The following CCNH variants were observed in gnomAD, a reference collection of about 807,000 sequenced individuals.
The protein encoded by CCNH is cyclin H.
Under a neutral mutation model 41.9 loss-of-function variants are expected in CCNH, and 31 were observed. The ratio of observed to expected loss-of-function variants is 0.74; its 90% CI spans 0.56 to 1.00. CCNH has a LOEUF of 1.00. Among genes scored for constraint, CCNH ranks in the 50% least tolerant of loss-of-function variants. The pLI is 0.00. For missense variants in CCNH, 362 were observed against 388.4 expected, an observed-to-expected ratio of 0.93 and a Z score of 0.57; for synonymous variants, 138 against 136.1, an observed-to-expected ratio of 1.01 and a Z score of -0.10.
At chr5:87,400,240 C>T (rs775274538) in intron 6 of CCNH, among the ~76,000 whole-genome samples, 11 of 152,144 alleles carry the variant, frequency 7.2e-5, no homozygotes, top group Non-Finnish European at 1.3e-4. Flanking sequence ...GCAAACAAAG[C>T]AGTATTTTTA....
intron 8 of CCNH, 119 bp downstream of exon 8, chr5:87,394,925 A>C: frequency 6.5e-7 from 1 of 1,546,888 alleles, no homozygotes; most frequent in South Asian, 1.3e-5. Flanking sequence ...GTATGCAAAA[A>C]ATGAAAAAAC....
intron 9 of CCNH, among the ~76,000 whole-genome samples, chr5:87,320,009 C>T (rs1048700028): frequency 1.3e-5 from 2 of 152,130 alleles, no homozygotes; most frequent in Non-Finnish European, 2.9e-5. Flanking sequence ...CTGCCAGGTA[C>T]CCTAAATCAT....
intron 9 of CCNH, among the ~76,000 whole-genome samples, chr5:87,348,998 T>G (rs1759062435): frequency 6.6e-6 from 1 of 151,970 alleles, no homozygotes; most frequent in East Asian, 1.9e-4. Flanking sequence ...GTATTAAAGC[T>G]GGTAAGATAC....
chr5:87,381,959 G>T (rs1239478912), upstream of CCNH, among the ~76,000 whole-genome samples: 7 of 152,060 alleles, frequency 4.6e-5, no homozygotes, highest in African/African-American at 1.7e-4. Flanking sequence ...AGACTTAATT[G>T]TTATTTTTTT....
chr5:87,356,812 C>T (rs1350135581), intron 9 of CCNH, among the ~76,000 whole-genome samples: 3 of 152,158 alleles, frequency 2.0e-5, no homozygotes, highest in Non-Finnish European at 4.4e-5. Context: ...ATTCATATGG[C>T]TGGCTTTATT....
intron 6 of CCNH, among the ~76,000 whole-genome samples, chr5:87,399,874 T>C (rs1258725837): frequency 6.6e-6 from 1 of 152,214 alleles, no homozygotes; most frequent in East Asian, 1.9e-4. Context: ...ACCATCTTCG[T>C]AGTATTCTAT....
chr5:87,328,467 G>A (rs1757392059), intron 9 of CCNH, among the ~76,000 whole-genome samples: 1 of 152,108 alleles, frequency 6.6e-6, no homozygotes, highest in Non-Finnish European at 1.5e-5. Context: ...TTATTGCTGT[G>A]ACTATTTGTA....
downstream of CCNH, among the ~76,000 whole-genome samples, chr5:87,371,803 T>C (rs1760963046): frequency 6.6e-6 from 1 of 152,156 alleles, no homozygotes; most frequent in South Asian, 2.1e-4. Context: ...AGGTAGTATC[T>C]GTTTGGGAGA....
At chr5:87,312,972 A>G in the CCNH span, among the ~76,000 whole-genome samples, 1 of 152,202 alleles carries the variant, frequency 6.6e-6, no homozygotes, top group Non-Finnish European at 1.5e-5. Flanking sequence ...GGAAAATGAT[A>G]CTTTCCCTGT....
chr5:87,366,741 T>G (rs2112467542), intron 9 of CCNH, among the ~76,000 whole-genome samples: 1 of 152,342 alleles, frequency 6.6e-6, no homozygotes, highest in Non-Finnish European at 1.5e-5. Context: ...AAACAGATTT[T>G]TCTTTTAAGA....
At chr5:87,388,034 C>G (rs1762185137), downstream of CCNH, among the ~76,000 whole-genome samples, 1 of 152,152 alleles carries the variant, frequency 6.6e-6, no homozygotes, top group Non-Finnish European at 1.5e-5. Flanking sequence ...CAATTATTAT[C>G]TCCTTCAGGA....
intron 9 of CCNH, among the ~76,000 whole-genome samples, chr5:87,384,540 T>G (rs2112511084): frequency 6.6e-6 from 1 of 152,286 alleles, no homozygotes; most frequent in South Asian, 2.1e-4. Flanking sequence ...TTATTGCTAC[T>G]AAAGTGGTTA....
chr5:87,347,882 C>T (rs78913347), intron 9 of CCNH, among the ~76,000 whole-genome samples: 1,797 of 151,988 alleles, frequency 0.012, 27 homozygotes, highest in African/African-American at 0.041. Context: ...CCACCAAGTA[C>T]TTGAGGTACT....
intron 9 of CCNH, among the ~76,000 whole-genome samples, chr5:87,368,703 A>T (rs1760709744): frequency 6.6e-6 from 1 of 152,118 alleles, no homozygotes; most frequent in Non-Finnish European, 1.5e-5. Context: ...CTGGATTTGT[A>T]GTTAATTTTT....
intron 9 of CCNH, among the ~76,000 whole-genome samples, chr5:87,346,026 C>T (rs756382937): frequency 2.6e-5 from 4 of 152,056 alleles, no homozygotes; most frequent in Non-Finnish European, 5.9e-5. Flanking sequence ...ATTGTATGCT[C>T]TATGTCTTGA....
rs745988461 is a variant in CCNH at position 87,332,677 on chromosome 5, T to C, written c.*91-13780A>G. The C allele has an allele frequency of 7.0e-5, 110 of 1,572,142 alleles. 1 individual carries two copies. The highest frequency in any genetic ancestry group is 9.2e-5 in the Non-Finnish European group (105 of 1,144,752). Reference sequence around the variant, plus strand: ...ATGAATAAAATATCTTTCAAAACTTTATTTTTTCAGTACAATAATGGTTTT... The same window carrying C: ...ATGAATAAAATATCTTTCAAAACTTCATTTTTTCAGTACAATAATGGTTTT... On this transcript the variant is annotated intron_variant and NMD_transcript_variant, in intron 9 of 9. Transcript: ENST00000645953.
downstream of CCNH, among the ~76,000 whole-genome samples, chr5:87,387,569 G>A (rs1193302520): frequency 6.6e-6 from 1 of 152,138 alleles, no homozygotes; most frequent in Non-Finnish European, 1.5e-5. Flanking sequence ...CCAGGAAGGT[G>A]CATGTACATG....
intron 9 of CCNH, among the ~76,000 whole-genome samples, chr5:87,332,022 G>A (rs1167876482): frequency 1.3e-5 from 2 of 151,968 alleles, no homozygotes; most frequent in Admixed American, 1.3e-4. Context: ...ATCATCTAAT[G>A]CATATAGTGT....
intron 9 of CCNH, among the ~76,000 whole-genome samples, chr5:87,323,353 G>C (rs961949684): frequency 2.0e-5 from 3 of 152,158 alleles, no homozygotes; most frequent in African/African-American, 7.2e-5. Flanking sequence ...ATTGTAACTT[G>C]TTTGGGATAT....
Sources: allele counts gnomAD v4.1 joint callset (sites outside exome capture counted in the v4.1 genomes callset), GRCh38; gene constraint gnomAD v4.1.1; transcripts MANE v1.5; gene names NCBI Gene and HGNC (gene_info 2026-07-23, HGNC 2026-07-21).